MAPT: variants seen among roughly 807,000 people sequenced by gnomAD.
MAPT encodes microtubule associated protein tau.
Under a neutral mutation model 67.9 loss-of-function variants are expected in MAPT, and 34 were observed. The observed-to-expected ratio is 0.50, with a 90% CI of 0.38 to 0.67. MAPT has a LOEUF of 0.67. Among genes scored for constraint, MAPT ranks in the 30% least tolerant of loss-of-function variants. MAPT has a pLI of 0.00. For missense variants in MAPT, 881 were observed against 1,115.2 expected, an observed-to-expected ratio of 0.79 and a Z score of 2.99; for synonymous variants, 456 against 464.5, an observed-to-expected ratio of 0.98 and a Z score of 0.23.
At chr17:45,932,781 T>C (rs2066964368) in intron 1 of MAPT, among the ~76,000 whole-genome samples, 1 of 152,068 alleles carries the variant, frequency 6.6e-6, no homozygotes, top group Non-Finnish European at 1.5e-5. Flanking sequence ...ATCGCACCAA[T>C]TGTTTATAAC....
chr17:46,020,292 G>A (rs2076446511), intron 12 of MAPT, among the ~76,000 whole-genome samples: 2 of 152,148 alleles, frequency 1.3e-5, no homozygotes, highest in Admixed American at 1.3e-4. Flanking sequence ...GTCTTGCTGT[G>A]GGTGTCTGTG....
intron 1 of MAPT, among the ~76,000 whole-genome samples, chr17:45,938,031 C>T (rs1229692634): frequency 6.6e-6 from 1 of 152,226 alleles, no homozygotes; most frequent in Non-Finnish European, 1.5e-5. Context: ...CCATTTCTTT[C>T]CTTCCTTTCC....
At chr17:46,014,669 T>C (rs1208243694) in intron 11 of MAPT, among the ~76,000 whole-genome samples, 1 of 151,926 alleles carries the variant, frequency 6.6e-6, no homozygotes, top group Non-Finnish European at 1.5e-5. Context: ...GGTCAGGAGA[T>C]TGAGACCATC....
At chr17:45,903,944 A>T (rs111210648) in intron 1 of MAPT, among the ~76,000 whole-genome samples, 443 of 15,064 alleles carry the variant, frequency 0.029, 31 homozygotes, top group African/African-American at 0.1. Context: ...ATTTATATAT[A>T]ATATATATTA....
chr17:46,024,462 T>G lies in MAPT; in HGVS notation c.*291T>G. The G allele has an allele frequency of 2.0e-6, 1 of 506,370 alleles. No homozygotes were observed. The highest frequency in any genetic ancestry group is 3.6e-6 in the Non-Finnish European group (1 of 278,642). The allele number at this position is 506,370 out of a possible 1,614,324, so 31.4% of individuals were successfully genotyped here. A position where few individuals can be genotyped will look rare whatever the true frequency, so the allele number is the denominator to read the frequency against. On this transcript the variant is annotated 3_prime_UTR_variant, in exon 13 of 13. Coordinates refer to ENST00000262410, the MANE Select transcript of MAPT (RefSeq NM_001377265.1). Reference sequence around the variant, plus strand: ...CCACATCCAACATTTCCTCAGGCAATTCCTTTTGATTCTTTTTTCTTCCCC... The same window carrying G: ...CCACATCCAACATTTCCTCAGGCAAGTCCTTTTGATTCTTTTTTCTTCCCC...
rs1214821383 is a variant in MAPT, at chr17:46,007,052, T to C, written c.1999-3258T>C. On this transcript the variant is annotated intron_variant, in intron 9 of 12. Transcript: ENST00000262410. ...AATGATAAATGCTTGAGGTGATAGA[T>C]ACCCCATTCACCGTGATGTGATTAT... 3.3e-5 allele frequency among the ~76,000 whole-genome samples: 5 copies of C among 151,922 alleles called. No homozygotes were observed. The East Asian group carries it at 9.6e-4, about 29-fold the overall frequency.
At chr17:45,984,118 C>T (rs1354563652) in intron 5 of MAPT, among the ~76,000 whole-genome samples, 188 bp downstream of exon 5, 2 of 152,138 alleles carry the variant, frequency 1.3e-5, no homozygotes, top group South Asian at 2.1e-4. Context: ...AGGCTGTGGC[C>T]GCACGCGCCC....
chr17:46,021,593 C>T (rs908187060), intron 12 of MAPT, among the ~76,000 whole-genome samples: 3 of 152,222 alleles, frequency 2.0e-5, no homozygotes, highest in Admixed American at 6.5e-5. Flanking sequence ...CTTTGAAAGT[C>T]AAGATCCGCA....
intron 1 of MAPT, among the ~76,000 whole-genome samples, chr17:45,948,113 C>A (rs765888320): frequency 1.3e-5 from 2 of 152,048 alleles, no homozygotes; most frequent in African/African-American, 4.8e-5. Context: ...TTCAAGCATT[C>A]TCCTGCCTCT....
At chr17:45,993,437 G>C (rs149152712) in intron 8 of MAPT, among the ~76,000 whole-genome samples, 1 of 151,702 alleles carries the variant, frequency 6.6e-6, no homozygotes, top group Non-Finnish European at 1.5e-5. Flanking sequence ...TTTTTGAGAC[G>C]GAGTCTCACT....
In MAPT at chr17:45,987,047, G is replaced by C. The variant is rs933819479; in HGVS notation, c.1359G>C (p.Met453Ile). ...TATTTTATATTTTATCAGCTCGCATGGTCAGTAAAAGCAAAGACGGGACTG... is the reference window on the plus strand; with the variant it reads ...TATTTTATATTTTATCAGCTCGCATCGTCAGTAAAAGCAAAGACGGGACTG... ...VSRVPQLKAR[M>I]VSKSKDGTGS... is the part of the protein sequence containing the mutation. Residue 453 changes from methionine (M) to isoleucine (I), a missense_variant, in exon 6 of 13, where the codon ATG becomes ATC. Transcript: ENST00000262410. 6.2e-6 allele frequency: 10 copies of C among 1,613,748 alleles called. No individual in the cohort carries two copies. Among genetic ancestry groups the C allele is most frequent in the Non-Finnish European group, 8.5e-6 (10 of 1,179,818 alleles).
chr17:46,027,416 T>G lies in MAPT; in HGVS notation c.*3245T>G, dbSNP rs887269195. On this transcript the variant is annotated 3_prime_UTR_variant, in exon 13 of 13. Coordinates refer to ENST00000262410, the MANE Select transcript of MAPT (RefSeq NM_001377265.1). Reference sequence around the variant, plus strand: ...CACCTGCAGAGCCAGTGTCCTTGGGTGGGCTAGATAGGATATACTGTATGC... The same window carrying G: ...CACCTGCAGAGCCAGTGTCCTTGGGGGGGCTAGATAGGATATACTGTATGC... 5.9e-5 allele frequency: 9 copies of G among 152,642 alleles called. No individual in the cohort carries two copies. The highest frequency in any genetic ancestry group is 2.2e-4 in the African/African-American group (9 of 41,426). 9.5% of individuals were successfully genotyped at this position (152,642 alleles called of 1,614,324 possible).
chr17:45,927,798 A>C (rs911718348), intron 1 of MAPT, among the ~76,000 whole-genome samples: 1 of 151,964 alleles, frequency 6.6e-6, no homozygotes, highest in African/African-American at 2.4e-5. Context: ...CAGGAGATCG[A>C]GACCATCCTG....
chr17:45,941,493 T>C (rs1472885877), intron 1 of MAPT, among the ~76,000 whole-genome samples: 1 of 151,478 alleles, frequency 6.6e-6, no homozygotes, highest in African/African-American at 2.4e-5. Flanking sequence ...ACCCCAGGGG[T>C]GTAGAGTTTT....
intron 1 of MAPT, among the ~76,000 whole-genome samples, chr17:45,946,615 A>AAAAAAAAAAAAATATATATATATATAT: frequency 2.4e-4 from 24 of 100,364 alleles, no homozygotes; most frequent in Non-Finnish European, 3.3e-4. Flanking sequence ...AAAAAAAAAA[A>AAAAAAAAAAAAATATATATATATATAT]ATATATATAT....
rs776597554 is a variant in MAPT at position 45,983,740 on chromosome 17, G to A, written c.1161G>A (p.Gln387=). ...ACGTGGAAATCACACCCAACGTGCAGAAGGAGCAGGCGCACTCGGAGGAGC... is the reference window on the plus strand; with the variant it reads ...ACGTGGAAATCACACCCAACGTGCAAAAGGAGCAGGCGCACTCGGAGGAGC... ...TFHVEITPNV[Q]KEQAHSEEHL... is the part of the protein sequence containing the mutation. Residue 387 remains glutamine, a synonymous_variant, in exon 5 of 13, where the codon CAG becomes CAA. Transcript: ENST00000262410. 5.6e-6 allele frequency: 9 copies of A among 1,614,206 alleles called. No individual in the cohort carries two copies. The highest frequency in any genetic ancestry group is 7.6e-6 in the Non-Finnish European group (9 of 1,180,046).
At chr17:45,914,468 G>A (rs1051065453) in intron 1 of MAPT, among the ~76,000 whole-genome samples, 2 of 152,306 alleles carry the variant, frequency 1.3e-5, no homozygotes, top group Non-Finnish European at 2.9e-5. Context: ...GCACTGCTGC[G>A]GGTGCCCCTC....
At chr17:45,970,273 A>G (rs1281768937) in intron 2 of MAPT, among the ~76,000 whole-genome samples, 1 of 152,214 alleles carries the variant, frequency 6.6e-6, no homozygotes, top group Non-Finnish European at 1.5e-5. Flanking sequence ...ATAAATTATT[A>G]ATTCATATAT....
intron 9 of MAPT, among the ~76,000 whole-genome samples, chr17:46,008,303 T>C (rs980670157): frequency 3.3e-5 from 5 of 152,192 alleles, no homozygotes; most frequent in African/African-American, 1.2e-4. Context: ...TTGGCCAGGC[T>C]GCTCTTGAAC....
Sources: allele counts gnomAD v4.1 joint callset (sites outside exome capture counted in the v4.1 genomes callset), GRCh38; gene constraint gnomAD v4.1.1; transcripts MANE v1.5; gene names NCBI Gene and HGNC (gene_info 2026-07-23, HGNC 2026-07-21).